The following RPTOR variants were observed in gnomAD, a reference collection of about 807,000 sequenced individuals.
RPTOR encodes the protein regulatory-associated protein of mTOR.
In RPTOR, 21 loss-of-function variants were observed where a neutral mutation model predicts 169.9. The observed-to-expected ratio is 0.12, with a 90% CI of 0.09 to 0.18. The LOEUF (loss-of-function observed/expected upper bound fraction) is 0.18. Ranked by LOEUF, RPTOR falls within the 10% of genes least tolerant of loss-of-function variation. The probability of loss-of-function intolerance (pLI) is 1.00; values close to 1 mark genes in which losing one functional copy is unlikely to be tolerated. For synonymous variants in RPTOR, 732 were observed against 753.2 expected (o/e 0.97, Z 0.46); for missense variants, 1,133 against 1,855.9 (o/e 0.61, Z 7.16).
At chr17:80,604,315 C>T (rs2065212812) in intron 1 of RPTOR, among the ~76,000 whole-genome samples, 1 of 152,194 alleles carries the variant, frequency 6.6e-6, no homozygotes, top group Non-Finnish European at 1.5e-5. Flanking sequence ...TGTGCAGATA[C>T]AGAATGCTGG....
intron 6 of RPTOR, among the ~76,000 whole-genome samples, chr17:80,762,511 G>A (rs889818924): frequency 5.3e-5 from 8 of 152,250 alleles, no homozygotes; most frequent in Non-Finnish European, 1.0e-4. Flanking sequence ...TCAGAAAGAT[G>A]GAAAATAAGA....
intron 13 of RPTOR, among the ~76,000 whole-genome samples, chr17:80,862,910 C>T (rs1438364190): frequency 6.6e-6 from 1 of 152,218 alleles, no homozygotes; most frequent in Non-Finnish European, 1.5e-5. Context: ...CATCCCCCTG[C>T]TGCCGCCAGC....
intron 3 of RPTOR, among the ~76,000 whole-genome samples, chr17:80,686,044 T>A (rs1468094402): frequency 6.6e-6 from 1 of 152,072 alleles, no homozygotes; most frequent in Non-Finnish European, 1.5e-5. Flanking sequence ...CTGGTGCTGT[T>A]CATTTTTGAG....
chr17:80,771,712 G>A (rs2066845207), intron 6 of RPTOR, among the ~76,000 whole-genome samples: 1 of 151,216 alleles, frequency 6.6e-6, no homozygotes, highest in African/African-American at 2.4e-5. Context: ...TGGGGTGGGG[G>A]TGGGTGGAGG....
chr17:80,575,474 A>G (rs1170353906), intron 1 of RPTOR, among the ~76,000 whole-genome samples: 1 of 152,352 alleles, frequency 6.6e-6, no homozygotes, highest in East Asian at 1.9e-4. Context: ...TAGCAGGTGC[A>G]CCGCACGTCT....
At chr17:80,838,829 A>G (rs947678449) in intron 10 of RPTOR, among the ~76,000 whole-genome samples, 2 of 152,172 alleles carry the variant, frequency 1.3e-5, no homozygotes, top group African/African-American at 2.4e-5. Context: ...ACCGAGGGCA[A>G]GTTTGGTCGT....
Position 80,891,575 on chromosome 17 carries a change from A to C in RPTOR, c.1984-145A>C, listed in dbSNP as rs182209701. 170 of 661,086 alleles carry C rather than the reference A, an allele frequency of 2.6e-4. 1 individual carries two copies. In the African/African-American group the frequency reaches 2.9e-3, roughly 11 times the overall value. 41.0% of individuals were successfully genotyped at this position (661,086 alleles called of 1,614,324 possible). ...CCAAGGCCTCTGCTCTGACGGTTCG[A>C]AAAGGGATGGTCCCTGTTTCTGATG... On this transcript the variant is annotated intron_variant, in intron 17 of 33. Transcript: ENST00000306801.
intron 5 of RPTOR, among the ~76,000 whole-genome samples, chr17:80,740,940 A>T (rs1399918447): frequency 3.9e-5 from 6 of 152,246 alleles, no homozygotes; most frequent in Non-Finnish European, 8.8e-5. Context: ...AGAAAAAGAC[A>T]TCATTGGTTA....
chr17:80,813,890 T>C (rs2067297777), intron 7 of RPTOR, among the ~76,000 whole-genome samples: 1 of 152,200 alleles, frequency 6.6e-6, no homozygotes, highest in Non-Finnish European at 1.5e-5. Context: ...TCCCAGCAGT[T>C]TGGGAGGCCG....
intron 11 of RPTOR, among the ~76,000 whole-genome samples, chr17:80,850,828 G>A (rs148511957): frequency 4.9e-4 from 75 of 152,340 alleles, no homozygotes; most frequent in African/African-American, 1.6e-3. Context: ...ACCCTGGCCT[G>A]CAGCACCTGG....
intron 1 of RPTOR, among the ~76,000 whole-genome samples, chr17:80,598,549 A>T (rs2065160426): frequency 6.6e-6 from 1 of 152,230 alleles, no homozygotes; most frequent in African/African-American, 2.4e-5. Context: ...GAGAGTCCTC[A>T]GGAACGTTCG....
chr17:80,577,531 G>A (rs555081477), intron 1 of RPTOR, among the ~76,000 whole-genome samples: 13 of 152,178 alleles, frequency 8.5e-5, no homozygotes, highest in Admixed American at 3.9e-4. Flanking sequence ...CCCCTGCCTC[G>A]GCCTCCCAAA....
In RPTOR at chr17:80,892,887, G is replaced by A. The variant is rs772220629; in HGVS notation, c.2242+18G>A. On this transcript the variant is annotated intron_variant, in intron 19 of 33. Transcript: ENST00000306801. ...AGAGGAATGTAAGATCCTGGAAATC[G>A]GGTTATTGGATTGGGAGAGATTGGG... 4.3e-6 allele frequency: 7 copies of A among 1,611,700 alleles called. No individual in the cohort carries two copies. The highest frequency in any genetic ancestry group is 3.3e-5 in the Admixed American group (2 of 59,858).
At chr17:80,887,335 G>A (rs1407947968) in intron 17 of RPTOR, among the ~76,000 whole-genome samples, 4 of 127,338 alleles carry the variant, frequency 3.1e-5, no homozygotes, top group Admixed American at 8.0e-5. Flanking sequence ...TGACTCTGGG[G>A]GGTGCCAGCT....
chr17:80,745,939 A>C (rs1482851005), intron 5 of RPTOR, among the ~76,000 whole-genome samples: 1 of 152,220 alleles, frequency 6.6e-6, no homozygotes, highest in Non-Finnish European at 1.5e-5. Context: ...AGGCGGGTGG[A>C]TCACCTGAGG....
chr17:80,799,045 C>G (rs1404215496), intron 7 of RPTOR, among the ~76,000 whole-genome samples: 2 of 152,202 alleles, frequency 1.3e-5, no homozygotes, highest in Non-Finnish European at 2.9e-5. Context: ...GCATTGCTGC[C>G]CTTTTTGCCA....
intron 6 of RPTOR, among the ~76,000 whole-genome samples, chr17:80,783,336 G>C (rs1315076317): frequency 1.3e-5 from 2 of 152,206 alleles, no homozygotes; most frequent in Non-Finnish European, 2.9e-5. Flanking sequence ...CTGTGGAACA[G>C]TTGAGAGGAT....
intron 7 of RPTOR, among the ~76,000 whole-genome samples, chr17:80,798,475 T>C (rs1003112330): frequency 3.3e-5 from 5 of 152,018 alleles, no homozygotes; most frequent in Non-Finnish European, 7.4e-5. Context: ...CTGCTCCTGC[T>C]TGGGACACCA....
chr17:80,725,398 A>G (rs2066323281), intron 4 of RPTOR, among the ~76,000 whole-genome samples: 1 of 152,232 alleles, frequency 6.6e-6, no homozygotes, highest in African/African-American at 2.4e-5. Flanking sequence ...ATTCTTGGAG[A>G]AAAAGAAGAG....
Sources: allele counts gnomAD v4.1 joint callset (sites outside exome capture counted in the v4.1 genomes callset), GRCh38; gene constraint gnomAD v4.1.1; transcripts MANE v1.5; gene names NCBI Gene and HGNC (gene_info 2026-07-23, HGNC 2026-07-21).